The following GRIN2A variants were observed in gnomAD, a reference collection of about 807,000 sequenced individuals.
The protein encoded by GRIN2A is glutamate receptor ionotropic, NMDA 2A.
A neutral mutation model predicts 113.4 loss-of-function variants in GRIN2A; 22 were observed. The observed-to-expected ratio is 0.19, with a 90% CI of 0.14 to 0.28. The LOEUF (loss-of-function observed/expected upper bound fraction) is 0.28, where lower values mean the gene tolerates loss of function less well. Ranked by LOEUF, GRIN2A falls within the 10% of genes least tolerant of loss-of-function variation. GRIN2A has a pLI of 1.00. For synonymous variants in GRIN2A, 827 were observed against 738.4 expected (o/e 1.12, Z -1.94); for missense variants, 1,502 against 1,887.0 (o/e 0.80, Z 3.78).
At chr16:9,878,805 A>T (rs1308111081) in intron 4 of GRIN2A, among the ~76,000 whole-genome samples, 1 of 152,052 alleles carries the variant, frequency 6.6e-6, no homozygotes, top group Non-Finnish European at 1.5e-5. Flanking sequence ...TTGATGTTAC[A>T]ACTGCAACAA....
rs548395365 is a variant in GRIN2A at position 9,969,367 on chromosome 16, C to T, written c.415-30816G>A. Reference sequence around the variant, plus strand: ...TTCTTAGATGCACACTTTCTTCACTCGCCACTTAATGAGTTAGTGTTCCCC... The same window carrying T: ...TTCTTAGATGCACACTTTCTTCACTTGCCACTTAATGAGTTAGTGTTCCCC... On this transcript the variant is annotated intron_variant, in intron 2 of 12. Coordinates refer to ENST00000330684, the MANE Select transcript of GRIN2A (RefSeq NM_001134407.3). Among the ~76,000 whole-genome samples the T allele has an allele frequency of 3.9e-5, 6 of 152,284 alleles. No individual in the cohort carries two copies. The South Asian group carries it at 8.3e-4, about 21-fold the overall frequency.
At chr16:9,892,245 A>T (rs1463774529) in intron 3 of GRIN2A, among the ~76,000 whole-genome samples, 1 of 151,996 alleles carries the variant, frequency 6.6e-6, no homozygotes, top group Non-Finnish European at 1.5e-5. Flanking sequence ...AAAACAAACA[A>T]ACAAAAAAAA....
chr16:10,093,748 C>T (rs933300397), intron 2 of GRIN2A, among the ~76,000 whole-genome samples: 1 of 152,178 alleles, frequency 6.6e-6, no homozygotes, highest in African/African-American at 2.4e-5. Context: ...AACCAGGATA[C>T]AGTTCCTCAC....
intron 10 of GRIN2A, among the ~76,000 whole-genome samples, chr16:9,816,322 A>AATTCTTCTAACTACTGC (rs1308830306): frequency 1.4e-4 from 22 of 152,220 alleles, no homozygotes; most frequent in Non-Finnish European, 2.5e-4. Flanking sequence ...CCTCTCTTCC[A>AATTCTTCTAACTACTGC]ATTCTTCTAA....
At chr16:9,925,172 C>G (rs536360624) in intron 3 of GRIN2A, among the ~76,000 whole-genome samples, 1 of 152,276 alleles carries the variant, frequency 6.6e-6, no homozygotes, top group South Asian at 2.1e-4. Flanking sequence ...ACAGTTTGAT[C>G]TTTTCAAATT....
intron 2 of GRIN2A, among the ~76,000 whole-genome samples, chr16:10,133,602 A>G (rs1419643099): frequency 4.6e-5 from 7 of 152,104 alleles, no homozygotes; most frequent in Non-Finnish European, 1.0e-4. Context: ...AGTGAGATTC[A>G]GTCTCAAAAA....
chr16:9,964,493 T>C (rs11648615), intron 2 of GRIN2A, among the ~76,000 whole-genome samples: 105,460 of 152,144 alleles, frequency 0.69, 38,407 homozygotes, highest in African/African-American at 0.88. Context: ...TATTGTCTTA[T>C]ACTTCTGTGG....
chr16:9,781,495 G>A (rs982975004), intron 11 of GRIN2A, among the ~76,000 whole-genome samples: 12 of 152,120 alleles, frequency 7.9e-5, no homozygotes, highest in African/African-American at 2.9e-4. Flanking sequence ...AAAGTAGCTA[G>A]GACCACAGGT....
chr16:9,942,133 A>G (rs1210627830), intron 2 of GRIN2A, among the ~76,000 whole-genome samples: 2 of 152,050 alleles, frequency 1.3e-5, no homozygotes, highest in African/African-American at 2.4e-5. Flanking sequence ...GGTAATCCAC[A>G]CTCTGGACTT....
At chr16:10,048,326 T>C (rs1433629709) in intron 2 of GRIN2A, among the ~76,000 whole-genome samples, 1 of 152,208 alleles carries the variant, frequency 6.6e-6, no homozygotes, top group Admixed American at 6.5e-5. Flanking sequence ...TCGTAATCAA[T>C]CCTAGTCTCC....
intron 2 of GRIN2A, among the ~76,000 whole-genome samples, chr16:10,161,517 T>C (rs886901307): frequency 2.0e-5 from 3 of 152,196 alleles, no homozygotes; most frequent in Non-Finnish European, 4.4e-5. Context: ...GGAACCAAAA[T>C]CTGCATGAAT....
chr16:10,042,529 G>C (rs1313075887), intron 2 of GRIN2A, among the ~76,000 whole-genome samples: 1 of 152,150 alleles, frequency 6.6e-6, no homozygotes, highest in Non-Finnish European at 1.5e-5. Context: ...AGCCTCACAA[G>C]AGACCCTAGG....
At chr16:10,048,429 A>G (rs375991520) in intron 2 of GRIN2A, among the ~76,000 whole-genome samples, 3 of 152,340 alleles carry the variant, frequency 2.0e-5, no homozygotes, top group African/African-American at 7.2e-5. Context: ...TAATTTTCAA[A>G]AACAGTCAAC....
At chr16:10,148,606 C>T (rs923388819) in intron 2 of GRIN2A, among the ~76,000 whole-genome samples, 1 of 152,190 alleles carries the variant, frequency 6.6e-6, no homozygotes, top group Non-Finnish European at 1.5e-5. Flanking sequence ...TCTCCCTCTT[C>T]TCTGCGTCTT....
chr16:9,938,152 A>G lies in GRIN2A; in HGVS notation c.814T>C (p.Phe272Leu). The part of the protein sequence containing the change: ...SGNTELIPKE[F>L]PSGLISVSYD... ...GAGACAGAAATGAGTCCCGATGGAA[A>G]CTCTTTTGGGATGAGCTCCGTGTTC... Residue 272 changes from phenylalanine (F) to leucine (L), a missense_variant, in exon 3 of 13, where the codon TTT (phenylalanine) becomes CTT (leucine). By Grantham distance (22) the Phe-to-Leu change is conservative (BLOSUM62 0). Around this residue, in one of 7 missense-constraint regions of GRIN2A, gnomAD observed 334 missense variants for 403.0 expected, o/e 0.83. Coordinates refer to ENST00000330684, the MANE Select transcript of GRIN2A (RefSeq NM_001134407.3). 6.2e-7 allele frequency: 1 copy of G among 1,614,056 alleles called. No individual in the cohort carries two copies. Among genetic ancestry groups the G allele is most frequent in the Non-Finnish European group, 8.5e-7 (1 of 1,180,002 alleles).
chr16:9,770,304 G>A (rs1901189982), intron 11 of GRIN2A, among the ~76,000 whole-genome samples: 1 of 152,128 alleles, frequency 6.6e-6, no homozygotes, highest in South Asian at 2.1e-4. Context: ...GGGACATGCA[G>A]AGAAAAATTA....
At chr16:9,880,235 T>A (rs538100565) in intron 4 of GRIN2A, among the ~76,000 whole-genome samples, 1 of 152,138 alleles carries the variant, frequency 6.6e-6, no homozygotes, top group Non-Finnish European at 1.5e-5. Context: ...TGAGGTCAGC[T>A]AGGGACTGAC....
chr16:10,129,044 T>C (rs1295089455), intron 2 of GRIN2A, among the ~76,000 whole-genome samples: 2 of 152,320 alleles, frequency 1.3e-5, no homozygotes, highest in Admixed American at 1.3e-4. Context: ...ACCTACTATG[T>C]GCATCACTTT....
chr16:9,887,046 C>T (rs1210964138), intron 4 of GRIN2A, among the ~76,000 whole-genome samples: 2 of 152,042 alleles, frequency 1.3e-5, no homozygotes, highest in African/African-American at 2.4e-5. Context: ...ACCACCATGC[C>T]GGGCTAATTT....
Sources: gnomAD v4.1 joint callset for allele counts (sites outside exome capture counted in the v4.1 genomes callset) on GRCh38, gnomAD v4.1.1 for gene constraint, gnomAD v4.1.1 regional missense constraint, MANE v1.5 for transcripts, NCBI Gene and HGNC (gene_info 2026-07-23, HGNC 2026-07-21) for gene names.